SUMF1: variants seen among roughly 807,000 people sequenced by gnomAD.
The protein encoded by SUMF1 is formylglycine-generating enzyme.
SUMF1 carries 48 observed loss-of-function variants against 47.6 expected under a neutral mutation model. The observed-to-expected ratio is 1.01, with a 90% CI of 0.80 to 1.28. SUMF1 has a LOEUF of 1.28. Among genes scored for constraint, SUMF1 ranks in the 50% most tolerant of loss-of-function variants. The probability of loss-of-function intolerance (pLI) is 0.00; values close to 1 mark genes in which losing one functional copy is unlikely to be tolerated. For missense variants in SUMF1, 571 were observed against 485.4 expected, an observed-to-expected ratio of 1.18 and a Z score of -1.66; for synonymous variants, 230 against 192.1, an observed-to-expected ratio of 1.20 and a Z score of -1.63.
At chr3:4,134,020 G>C (rs113718782) in intron 8 of SUMF1, among the ~76,000 whole-genome samples, 1 of 151,976 alleles carries the variant, frequency 6.6e-6, no homozygotes, top group African/African-American at 2.4e-5. Flanking sequence ...ATAATAATGG[G>C]AGACTTTAAC....
chr3:4,376,505 A>G (rs1406017378), intron 7 of SUMF1, 116 bp from the exon 8 acceptor site: 8 of 1,031,986 alleles, frequency 7.8e-6, no homozygotes, highest in Non-Finnish European at 9.1e-6. Context: ...AACTCTCCAC[A>G]TGCATTTCCA....
At chr3:4,325,585 A>G (rs1266237439) in intron 8 of SUMF1, among the ~76,000 whole-genome samples, 2 of 147,516 alleles carry the variant, frequency 1.4e-5, no homozygotes, top group African/African-American at 5.3e-5. Flanking sequence ...ATATGTATGT[A>G]TATATCTGTG....
rs1029516068 is a variant in SUMF1 at position 4,280,917 on chromosome 3, G to T, written c.1014+95413C>A. ...TTTTGATAAGGGCACAGTCATGTTG[G>T]ATTAGGGCCCATCCTAATAATTTCA... On this transcript the variant is annotated intron_variant and NMD_transcript_variant, in intron 8 of 12. Transcript: ENST00000448413. Among the ~76,000 whole-genome samples the T allele has an allele frequency of 3.3e-4, 50 of 149,766 alleles. 1 individual carries two copies. The highest frequency in any genetic ancestry group is 5.9e-5 in the Non-Finnish European group (4 of 67,674).
At chr3:4,119,728 A>C (rs1693497789) in intron 8 of SUMF1, among the ~76,000 whole-genome samples, 1 of 152,012 alleles carries the variant, frequency 6.6e-6, no homozygotes. Context: ...ACACACACAC[A>C]CACACACAAA....
chr3:4,155,779 T>A (rs1187850793), intron 8 of SUMF1, among the ~76,000 whole-genome samples: 27 of 151,336 alleles, frequency 1.8e-4, no homozygotes, highest in Admixed American at 1.8e-3. Context: ...GAACCTCTTC[T>A]TCTTGTAACA....
At chr3:4,392,548 T>C (rs1023762517) in intron 7 of SUMF1, among the ~76,000 whole-genome samples, 23 of 150,760 alleles carry the variant, frequency 1.5e-4, no homozygotes, top group Non-Finnish European at 1.0e-4. Flanking sequence ...TAAGATTACA[T>C]ATATAATCTT....
At position 4,417,270 on chromosome 3, in the gene SUMF1, T is replaced by A. The variant is rs775239084; in HGVS notation, c.726-28A>T. The A allele has an allele frequency of 5.0e-6, 8 of 1,597,872 alleles. No individual in the cohort carries two copies. The Admixed American group carries it at 1.0e-4, about 20-fold the overall frequency. On this transcript the variant is annotated intron_variant, in intron 5 of 8. Transcript: ENST00000272902. ...GTCAGAAGAGACACAGGCATCAGCC[T>A]GTCAAACAGGCACAGGTTTTGGATG...
At chr3:4,411,344 G>A (rs941126660) in intron 6 of SUMF1, among the ~76,000 whole-genome samples, 1 of 152,100 alleles carries the variant, frequency 6.6e-6, no homozygotes, top group Admixed American at 6.6e-5. Flanking sequence ...AAATCCCATT[G>A]GACCCAATAT....
intron 8 of SUMF1, among the ~76,000 whole-genome samples, chr3:4,136,162 T>A (rs1206821841): frequency 5.3e-4 from 80 of 152,202 alleles, no homozygotes; most frequent in Non-Finnish European, 8.7e-4. Flanking sequence ...GAGCCTGCAT[T>A]GCCAAGACAA....
intron 9 of SUMF1, among the ~76,000 whole-genome samples, chr3:4,055,071 G>A (rs751785439): frequency 2.0e-5 from 3 of 152,152 alleles, no homozygotes; most frequent in Non-Finnish European, 4.4e-5. Flanking sequence ...ACTGCGTGTT[G>A]TTGAAACAGA....
intron 3 of SUMF1, among the ~76,000 whole-genome samples, chr3:4,427,117 C>T (rs761981909): frequency 6.6e-6 from 1 of 152,206 alleles, no homozygotes; most frequent in Non-Finnish European, 1.5e-5. Flanking sequence ...GCTTCTTATA[C>T]ACACACAGCC....
At chr3:4,390,774 G>A (rs1006622885) in intron 7 of SUMF1, among the ~76,000 whole-genome samples, 6 of 152,036 alleles carry the variant, frequency 3.9e-5, no homozygotes, top group Admixed American at 2.0e-4. Flanking sequence ...ATAGAGACCA[G>A]GTTTTGTCAT....
intron 8 of SUMF1, among the ~76,000 whole-genome samples, chr3:4,280,369 G>A (rs1697502273): frequency 6.6e-6 from 1 of 152,074 alleles, no homozygotes; most frequent in Non-Finnish European, 1.5e-5. Flanking sequence ...GTATGTTGTG[G>A]ACCACTGGGA....
At chr3:4,165,542 GC>G (rs1694679769) in intron 8 of SUMF1, among the ~76,000 whole-genome samples, 1 of 152,046 alleles carries the variant, frequency 6.6e-6, no homozygotes, top group Non-Finnish European at 1.5e-5. Context: ...TGCAAACTTT[GC>G]ATAGTTGTGG....
chr3:4,299,215 A>G (rs1697915903), intron 8 of SUMF1, among the ~76,000 whole-genome samples: 3 of 152,330 alleles, frequency 2.0e-5, no homozygotes, highest in South Asian at 4.1e-4. Context: ...CCCACACCCT[A>G]TTAATGGGAT....
chr3:4,092,528 T>G (rs1282830969), intron 8 of SUMF1, among the ~76,000 whole-genome samples: 1 of 152,174 alleles, frequency 6.6e-6, no homozygotes, highest in Non-Finnish European at 1.5e-5. Context: ...GTTAAGCCTT[T>G]CCTAAGTGAA....
chr3:4,049,836 G>C (rs1009921322), intron 9 of SUMF1, among the ~76,000 whole-genome samples: 1 of 152,124 alleles, frequency 6.6e-6, no homozygotes, highest in African/African-American at 2.4e-5. Flanking sequence ...GTCACATACA[G>C]ACTTGAAGGA....
At chr3:4,293,919 G>A (rs1048503430) in intron 8 of SUMF1, among the ~76,000 whole-genome samples, 3 of 152,204 alleles carry the variant, frequency 2.0e-5, no homozygotes, top group Non-Finnish European at 4.4e-5. Context: ...CAGAAGAAAA[G>A]TAGTCTCTGA....
At chr3:4,115,397 C>T (rs554866646) in intron 8 of SUMF1, among the ~76,000 whole-genome samples, 4 of 152,262 alleles carry the variant, frequency 2.6e-5, no homozygotes, top group South Asian at 2.1e-4. Context: ...AAGCCCTCTG[C>T]CCTTGCAATA....
Sources: allele counts gnomAD v4.1 joint callset (sites outside exome capture counted in the v4.1 genomes callset), GRCh38; gene constraint gnomAD v4.1.1; transcripts MANE v1.5; gene names NCBI Gene and HGNC (gene_info 2026-07-23, HGNC 2026-07-21).